The following TRERF1 variants were observed in gnomAD, a reference collection of about 807,000 sequenced individuals.
TRERF1 encodes the protein transcriptional regulating factor 1.
In TRERF1, 27 loss-of-function variants were observed where a neutral mutation model predicts 122.9. That is an observed-to-expected ratio of 0.22 (90% confidence interval 0.16 to 0.30). TRERF1 has a LOEUF of 0.30. TRERF1 is among the 10% of genes least tolerant of loss of function. The pLI, the probability that TRERF1 is intolerant of heterozygous loss-of-function variation, is 1.00. For missense variants in TRERF1, 1,248 were observed against 1,560.3 expected (o/e 0.80, Z 3.37); for synonymous variants, 636 against 641.7 (o/e 0.99, Z 0.13).
chr6:42,320,659 G>A (rs925255688), intron 3 of TRERF1, among the ~76,000 whole-genome samples: 1 of 151,950 alleles, frequency 6.6e-6, no homozygotes, highest in South Asian at 2.1e-4. Context: ...ACAGGCGCCC[G>A]CCACAACGTC....
chr6:42,233,104 C>T (rs1198961878), intron 16 of TRERF1, among the ~76,000 whole-genome samples, 176 bp from the exon 17 acceptor site: 1 of 152,064 alleles, frequency 6.6e-6, no homozygotes, highest in African/African-American at 2.4e-5. Flanking sequence ...ATCACTGCTA[C>T]AATCAGAAGA....
chr6:42,284,956 A>G (rs1782920134), intron 4 of TRERF1, among the ~76,000 whole-genome samples: 1 of 152,178 alleles, frequency 6.6e-6, no homozygotes, highest in African/African-American at 2.4e-5. Context: ...CATTTTCTGA[A>G]GTAAGCAGAC....
intron 15 of TRERF1, 91 bp from the exon 16 acceptor site, chr6:42,236,502 G>A: frequency 2.0e-6 from 3 of 1,482,662 alleles, no homozygotes; most frequent in East Asian, 2.5e-5. Context: ...GAGGAGAGAG[G>A]GGCAGGATGC....
At chr6:42,390,723 C>G (rs1777594083) in intron 2 of TRERF1, among the ~76,000 whole-genome samples, 1 of 152,182 alleles carries the variant, frequency 6.6e-6, no homozygotes, top group Non-Finnish European at 1.5e-5. Context: ...CTCCCGTCAA[C>G]AGTGGGGGTG....
rs9462802 is a variant in TRERF1, at chr6:42,414,807, T to G, written c.-454+36370A>C. On this transcript the variant is annotated intron_variant, in intron 2 of 17. Coordinates refer to ENST00000372922, the Ensembl canonical transcript of TRERF1. ...AAAGGTCTGAACAACCCAGGTTTTA[T>G]TTAGCCCATCTCCCACTGATGGATA... Among the ~76,000 whole-genome samples the G allele has an allele frequency of 4.5e-3, 682 of 152,360 alleles. 7 individuals carry two copies. The highest frequency in any genetic ancestry group is 0.016 in the African/African-American group (659 of 41,584).
At chr6:42,360,118 G>T (rs1239513451) in intron 3 of TRERF1, among the ~76,000 whole-genome samples, 1 of 152,200 alleles carries the variant, frequency 6.6e-6, no homozygotes, top group Non-Finnish European at 1.5e-5. Flanking sequence ...ACAATATTTG[G>T]CAATATATGA....
rs190372449 is a variant in TRERF1 at position 42,245,825 on chromosome 6, C to T, written c.2745+631G>A. 5.6e-3 allele frequency among the ~76,000 whole-genome samples: 845 copies of T among 152,246 alleles called. 4 individuals are homozygous for T. The highest frequency in any genetic ancestry group is 7.2e-3 in the Non-Finnish European group (489 of 68,014). On this transcript the variant is annotated intron_variant, in intron 14 of 17. Transcript: ENST00000372922. Reference sequence around the variant, plus strand: ...CTGTTAAATATACGTAAATTATGTACGGCCAGGCATGCCGGCTCACGCCGG... The same window carrying T: ...CTGTTAAATATACGTAAATTATGTATGGCCAGGCATGCCGGCTCACGCCGG...
At chr6:42,238,556 C>G (rs7742321) in intron 15 of TRERF1, among the ~76,000 whole-genome samples, 4,641 of 152,196 alleles carry the variant, frequency 0.03, 255 homozygotes, top group African/African-American at 0.11. Context: ...AAAACACTTA[C>G]TATATTCCAA....
chr6:42,303,861 C>T (rs1786661765), intron 3 of TRERF1, among the ~76,000 whole-genome samples: 1 of 136,688 alleles, frequency 7.3e-6, no homozygotes, highest in Non-Finnish European at 1.5e-5. Flanking sequence ...AGAGATCGCA[C>T]CACTGCACTC....
At chr6:42,328,009 T>C (rs542557202) in intron 3 of TRERF1, among the ~76,000 whole-genome samples, 1,606 of 136,420 alleles carry the variant, frequency 0.012, 25 homozygotes, top group African/African-American at 0.037. Flanking sequence ...TCTTTCTTTT[T>C]TTTTTTTTTT....
intron 4 of TRERF1, among the ~76,000 whole-genome samples, chr6:42,291,451 TA>T (rs35745800): frequency 0.096 from 12,001 of 125,046 alleles, 492 homozygotes; most frequent in East Asian, 0.14. Flanking sequence ...CACTTTACAC[TA>T]AAAAAAAAAA....
rs184674644 is a variant in TRERF1, at chr6:42,369,568, G to A, written c.-453-6489C>T. Among the ~76,000 whole-genome samples the A allele has an allele frequency of 1.2e-3, 176 of 152,274 alleles. 1 individual carries two copies. Among genetic ancestry groups the A allele is most frequent in the African/African-American group, 4.1e-3 (170 of 41,546 alleles). On this transcript the variant is annotated intron_variant, in intron 2 of 17. Transcript: ENST00000372922. ...CAGTCCGGTTCTACACGTTTGCTCAGGTTTTTGGTATTCACAGATTTGCTA... is the reference window on the plus strand; with the variant it reads ...CAGTCCGGTTCTACACGTTTGCTCAAGTTTTTGGTATTCACAGATTTGCTA...
intron 2 of TRERF1, among the ~76,000 whole-genome samples, chr6:42,425,101 C>T (rs1783400532): frequency 6.6e-6 from 1 of 152,188 alleles, no homozygotes; most frequent in African/African-American, 2.4e-5. Context: ...CAAGGTACCT[C>T]CTAACCTGGA....
At chr6:42,397,431 G>T (rs1343220068) in intron 2 of TRERF1, among the ~76,000 whole-genome samples, 1 of 152,114 alleles carries the variant, frequency 6.6e-6, no homozygotes, top group Non-Finnish European at 1.5e-5. Context: ...ATTCAATATT[G>T]AATTACTGAT....
intron 2 of TRERF1, among the ~76,000 whole-genome samples, chr6:42,442,235 T>C (rs948004740): frequency 3.3e-5 from 5 of 151,970 alleles, no homozygotes; most frequent in African/African-American, 9.7e-5. Flanking sequence ...TAAAACTCCT[T>C]GGGCATCAAC....
chr6:42,295,643 G>A (rs58505957), intron 4 of TRERF1, among the ~76,000 whole-genome samples: 2,077 of 152,232 alleles, frequency 0.014, 48 homozygotes, highest in African/African-American at 0.046. Context: ...GAAGGGCATC[G>A]TGTTTTTCCC....
intron 3 of TRERF1, among the ~76,000 whole-genome samples, chr6:42,341,462 C>T (rs260276): frequency 1.3e-5 from 2 of 152,164 alleles, no homozygotes; most frequent in South Asian, 2.1e-4. Flanking sequence ...TTCATTCTGC[C>T]GAGGATCTGT....
At chr6:42,283,426 A>G (rs1782633311) in intron 4 of TRERF1, among the ~76,000 whole-genome samples, 1 of 152,154 alleles carries the variant, frequency 6.6e-6, no homozygotes, top group Non-Finnish European at 1.5e-5. Flanking sequence ...CATAAAGAAA[A>G]TCTGGAAGGA....
chr6:42,306,097 G>A (rs1787192142), intron 3 of TRERF1, among the ~76,000 whole-genome samples: 2 of 141,120 alleles, frequency 1.4e-5, no homozygotes, highest in African/African-American at 5.2e-5. Context: ...TGTCTCCCAG[G>A]TTCAAGCAAT....
Sources: allele counts gnomAD v4.1 joint callset (sites outside exome capture counted in the v4.1 genomes callset), GRCh38; gene constraint gnomAD v4.1.1; transcripts MANE v1.5; gene names NCBI Gene and HGNC (gene_info 2026-07-23, HGNC 2026-07-21).